Variants in CAGE1 observed in about 807,000 individuals in gnomAD.
The protein encoded by CAGE1 is cancer-associated gene 1 protein.
In CAGE1, 66 loss-of-function variants were observed where a neutral mutation model predicts 94.9. The ratio of observed to expected loss-of-function variants is 0.70; its 90% CI spans 0.57 to 0.85. The LOEUF is 0.85. CAGE1 is among the 40% of genes least tolerant of loss of function. The pLI, the probability that CAGE1 is intolerant of heterozygous loss-of-function variation, is 0.00. For synonymous variants in CAGE1, 319 were observed against 321.0 expected (o/e 0.99, Z 0.07); for missense variants, 865 against 950.4 (o/e 0.91, Z 1.18).
chr6:7,380,984 C>T (rs1304052400), intron 3 of CAGE1, among the ~76,000 whole-genome samples: 1 of 152,144 alleles, frequency 6.6e-6, no homozygotes, highest in Non-Finnish European at 1.5e-5. Flanking sequence ...TTGCTCTACA[C>T]ATCTCTCCAA....
chr6:7,383,628 A>T (rs1761013155), intron 3 of CAGE1, among the ~76,000 whole-genome samples: 1 of 152,194 alleles, frequency 6.6e-6, no homozygotes, highest in Non-Finnish European at 1.5e-5. Flanking sequence ...TAGCAGGGTA[A>T]GTCTCCACAT....
chr6:7,329,998 G>A (rs1758691166), intron 12 of CAGE1, 110 bp from the exon 13 acceptor site: 1 of 597,588 alleles, frequency 1.7e-6, no homozygotes, highest in Admixed American at 3.0e-5. Flanking sequence ...CACTTTCAAG[G>A]AGAAATCGTC....
intron 3 of CAGE1, among the ~76,000 whole-genome samples, chr6:7,385,302 G>GC (rs1406966109): frequency 6.9e-6 from 1 of 145,290 alleles, no homozygotes. Context: ...ACCGTGCCTG[G>GC]CCCCCGCTTT....
intron 12 of CAGE1, 44 bp from the exon 13 acceptor site, chr6:7,329,932 G>A: frequency 1.2e-6 from 1 of 861,790 alleles, no homozygotes; most frequent in Non-Finnish European, 1.9e-6. Flanking sequence ...GAGGAAGGGG[G>A]GACTGAAATA....
rs1389612712 is a variant in CAGE1, at chr6:7,370,454, C to G, written c.1747-389G>C. On this transcript the variant is annotated intron_variant, in intron 5 of 13. Transcript: ENST00000502583. ...AACCACAGGTGCATGCCACCACACT[C>G]GGCTAATTTTTCAAATTTTTTGTAG... 2.0e-5 allele frequency among the ~76,000 whole-genome samples: 3 copies of G among 152,168 alleles called. No individual in the cohort carries two copies. The East Asian group carries it at 5.8e-4, about 29-fold the overall frequency.
At chr6:7,368,917 A>T in intron 6 of CAGE1, 119 bp from the exon 7 acceptor site, 1 of 605,570 alleles carries the variant, frequency 1.7e-6, no homozygotes, top group Non-Finnish European at 2.9e-6. Flanking sequence ...CAATCAAAAG[A>T]GGTAAAATCA....
intron 11 of CAGE1, among the ~76,000 whole-genome samples, chr6:7,335,725 C>A (rs921480923): frequency 6.6e-6 from 1 of 152,170 alleles, no homozygotes; most frequent in African/African-American, 2.4e-5. Context: ...CAGGTGCATG[C>A]CACCACACCT....
chr6:7,333,673 T>C (rs1385556197), intron 12 of CAGE1, among the ~76,000 whole-genome samples: 34 of 92,726 alleles, frequency 3.7e-4, no homozygotes, highest in African/African-American at 1.2e-3. Flanking sequence ...TATATATATA[T>C]ACATTTTTTT....
intron 12 of CAGE1, among the ~76,000 whole-genome samples, chr6:7,332,844 C>T (rs1758803143): frequency 6.6e-6 from 1 of 152,178 alleles, no homozygotes; most frequent in Admixed American, 6.5e-5. Flanking sequence ...AAACTCTGCA[C>T]ATGGGAAAAA....
intron 4 of CAGE1, among the ~76,000 whole-genome samples, chr6:7,377,421 A>G (rs1354127252): frequency 6.6e-6 from 1 of 152,186 alleles, no homozygotes; most frequent in Non-Finnish European, 1.5e-5. Context: ...CATTATAGTC[A>G]TAGTGTTTCC....
At chr6:7,345,817 T>C (rs1183247492) in intron 11 of CAGE1, among the ~76,000 whole-genome samples, 1 of 151,962 alleles carries the variant, frequency 6.6e-6, no homozygotes, top group Non-Finnish European at 1.5e-5. Flanking sequence ...CCCAGCTACT[T>C]GGGAGGCTGA....
chr6:7,326,941 G>A (rs1331906665), intron 13 of CAGE1, 42 bp from the exon 14 acceptor site: 1 of 1,499,004 alleles, frequency 6.7e-7, no homozygotes, highest in Non-Finnish European at 9.3e-7. Flanking sequence ...TTTGGGGAAA[G>A]ACTAACATTC....
intron 12 of CAGE1, chr6:7,331,543 T>C: frequency 2.6e-6 from 1 of 387,676 alleles, no homozygotes; most frequent in Non-Finnish European, 4.9e-6. Context: ...TGAAACTCTT[T>C]GGTTTAGCTG....
At chr6:7,386,898 G>T in intron 2 of CAGE1, 81 bp downstream of exon 2, 1 of 970,376 alleles carries the variant, frequency 1.0e-6, no homozygotes, top group Non-Finnish European at 1.6e-6. Context: ...GTTCCTTATA[G>T]TTTTGAAGAA....
chr6:7,378,396 A>G (rs1760826192), intron 4 of CAGE1, among the ~76,000 whole-genome samples: 1 of 152,130 alleles, frequency 6.6e-6, no homozygotes, highest in African/African-American at 2.4e-5. Context: ...TCCCCAGAGA[A>G]GCAAAGTCCC....
At chr6:7,332,387 AAT>A (rs1758788958) in intron 12 of CAGE1, among the ~76,000 whole-genome samples, 1 of 152,190 alleles carries the variant, frequency 6.6e-6, no homozygotes, top group Non-Finnish European at 1.5e-5. Flanking sequence ...AGCCCCGAAG[AAT>A]CTGGCATTCT....
At chr6:7,377,396 T>C (rs1760780667) in intron 4 of CAGE1, among the ~76,000 whole-genome samples, 1 of 152,220 alleles carries the variant, frequency 6.6e-6, no homozygotes, top group Non-Finnish European at 1.5e-5. Flanking sequence ...AAAATGCTCA[T>C]ACTTGTAAAT....
intron 9 of CAGE1, among the ~76,000 whole-genome samples, chr6:7,364,696 C>A (rs748113520): frequency 6.6e-6 from 1 of 151,718 alleles, no homozygotes; most frequent in Non-Finnish European, 1.5e-5. Context: ...TCTTGAACTC[C>A]TGATCTCATG....
chr6:7,369,505 C>T (rs1019002098), intron 6 of CAGE1, among the ~76,000 whole-genome samples: 1 of 152,116 alleles, frequency 6.6e-6, no homozygotes, highest in Non-Finnish European at 1.5e-5. Flanking sequence ...TACTAATGTA[C>T]ACAACTCTAC....
Sources: allele counts gnomAD v4.1 joint callset (sites outside exome capture counted in the v4.1 genomes callset), GRCh38; gene constraint gnomAD v4.1.1; transcripts MANE v1.5; gene names NCBI Gene and HGNC (gene_info 2026-07-23, HGNC 2026-07-21).